TOP1: variants seen among roughly 807,000 people sequenced by gnomAD.
TOP1 encodes DNA topoisomerase I.
TOP1 carries 10 observed loss-of-function variants against 111.1 expected under a neutral mutation model. The observed-to-expected ratio is 0.09, with a 90% CI of 0.06 to 0.15. TOP1 has a LOEUF of 0.15. Among genes scored for constraint, TOP1 ranks in the 10% least tolerant of loss-of-function variants. The probability of loss-of-function intolerance (pLI) is 1.00; values close to 1 mark genes in which losing one functional copy is unlikely to be tolerated. For missense variants in TOP1, 474 were observed against 926.7 expected (o/e 0.51, Z 6.34); for synonymous variants, 271 against 302.9 (o/e 0.89, Z 1.10).
At position 41,098,898 on chromosome 20, in the gene TOP1, C is replaced by T. The variant is rs921996994; in HGVS notation, c.975+561C>T. On this transcript the variant is annotated intron_variant, in intron 11 of 20. Coordinates refer to ENST00000361337, the MANE Select transcript of TOP1 (RefSeq NM_003286.4). The surrounding 1 kb of genome is among the most constrained non-coding windows in gnomAD (Gnocchi z 5.7). ...CTACTTGTCTACATATTATCTACGG[C>T]TGTGTTTATGCAACAATGACAGAGA... is the stretch of plus-strand genomic sequence containing the variant. The T allele has an allele frequency of 2.6e-5, 4 of 151,666 alleles. No homozygotes were observed. The highest frequency in any genetic ancestry group is 9.7e-5 in the African/African-American group (4 of 41,262). The allele number at this position is 151,666 out of a possible 1,614,324, so 9.4% of individuals were successfully genotyped here.
At chr20:41,091,855 T>C (rs532766906) in intron 8 of TOP1, among the ~76,000 whole-genome samples, 2 of 152,248 alleles carry the variant, frequency 1.3e-5, no homozygotes, top group South Asian at 2.1e-4. Context: ...TATATGGTGT[T>C]TATTGTATTA....
chr20:41,081,802 C>G (rs1262988188), intron 7 of TOP1, among the ~76,000 whole-genome samples: 1 of 152,162 alleles, frequency 6.6e-6, no homozygotes, highest in African/African-American at 2.4e-5. Context: ...TGTTTCTTTT[C>G]CACACCAGAT....
rs1326722941 is a variant in TOP1 at position 41,121,940 on chromosome 20, G to A, written c.2046-66G>A. 1.3e-5 allele frequency: 21 copies of A among 1,589,770 alleles called. No individual in the cohort carries two copies. Among genetic ancestry groups the A allele is most frequent in the African/African-American group, 5.4e-5 (4 of 73,710 alleles). On this transcript the variant is annotated intron_variant, in intron 19 of 20. Transcript: ENST00000361337. This position sits in a 1 kb window ranked among gnomAD's most constrained non-coding sequence, Gnocchi z 4.2. ...GGCTTTTATTGACTCAAAGTGGCAGGATGGGTACAGTGTGCTCTTGTCTAG... is the reference window on the plus strand; with the variant it reads ...GGCTTTTATTGACTCAAAGTGGCAGAATGGGTACAGTGTGCTCTTGTCTAG...
intron 2 of TOP1, among the ~76,000 whole-genome samples, chr20:41,036,123 G>A (rs573373252): frequency 6.6e-6 from 1 of 152,270 alleles, no homozygotes; most frequent in African/African-American, 2.4e-5. Context: ...GAAAGGAAAC[G>A]TTTTTTTCTT....
chr20:41,038,992 C>CAA (rs879288677), intron 2 of TOP1, among the ~76,000 whole-genome samples: 2 of 125,818 alleles, frequency 1.6e-5, no homozygotes, highest in Non-Finnish European at 3.4e-5. Flanking sequence ...GACCCTGTCT[C>CAA]AAAAAAAAAA....
intron 3 of TOP1, among the ~76,000 whole-genome samples, chr20:41,062,980 G>A (rs151243940): frequency 1.3e-5 from 2 of 152,144 alleles, no homozygotes; most frequent in African/African-American, 4.8e-5. Context: ...GTACATATAG[G>A]CAACTTTGTT....
intron 8 of TOP1, among the ~76,000 whole-genome samples, chr20:41,089,017 G>GTTTTTTTTTT (rs1290740653): frequency 1.4e-5 from 1 of 69,272 alleles, no homozygotes; most frequent in African/African-American, 7.8e-5. Context: ...TGTTGCCCCA[G>GTTTTTTTTTT]TTCTTTTTTT....
intron 8 of TOP1, among the ~76,000 whole-genome samples, chr20:41,087,773 T>C (rs572854593): frequency 6.6e-6 from 1 of 152,378 alleles, no homozygotes; most frequent in African/African-American, 2.4e-5. Context: ...GAACTTGATA[T>C]CAAACAGCAC....
chr20:41,120,567 C>G (rs1346639930), intron 18 of TOP1, among the ~76,000 whole-genome samples: 6 of 152,212 alleles, frequency 3.9e-5, no homozygotes, highest in African/African-American at 7.2e-5. Flanking sequence ...CTGAGAAGAA[C>G]TTAGATTCAC....
Position 41,092,733 on chromosome 20 carries a change from A to G in TOP1, c.730+146A>G, listed in dbSNP as rs2076574. 0.17 allele frequency: 94,031 copies of G among 541,004 alleles called. 12,555 individuals are homozygous for G. The highest frequency in any genetic ancestry group is 0.54 in the African/African-American group (28,045 of 51,612). The allele number at this position is 541,004 out of a possible 1,614,324, so 33.5% of individuals were successfully genotyped here. ...TGCCATGCAATTTTGAGGAAGGGGC[A>G]TCAGGTGTTAACTCTTAAAGGCTCA... On this transcript the variant is annotated intron_variant, in intron 9 of 20. Transcript: ENST00000361337. The surrounding 1 kb of genome is among the most constrained non-coding windows in gnomAD (Gnocchi z 4.3).
In TOP1 at chr20:41,104,530, C is replaced by T. The variant is rs371942991; in HGVS notation, c.1308+3177C>T. ...TTGTTAGATAGACCAGGTGAAATGCCTCAAGAGCAGAGAGCCAGTCAATTT... is the reference window on the plus strand; with the variant it reads ...TTGTTAGATAGACCAGGTGAAATGCTTCAAGAGCAGAGAGCCAGTCAATTT... On this transcript the variant is annotated intron_variant, in intron 13 of 20. Transcript: ENST00000361337. Among the ~76,000 whole-genome samples, 54 of 152,312 alleles carry T rather than the reference C, an allele frequency of 3.5e-4. 1 individual carries two copies. The East Asian group carries it at 4.8e-3, about 14-fold the overall frequency.
chr20:41,045,237 A>G (rs1234132188), intron 2 of TOP1, among the ~76,000 whole-genome samples: 1 of 152,160 alleles, frequency 6.6e-6, no homozygotes, highest in Non-Finnish European at 1.5e-5. Context: ...GTAAGACCCA[A>G]GAGATTGTGG....
intron 2 of TOP1, among the ~76,000 whole-genome samples, chr20:41,042,245 A>ATTTT (rs1275483259): frequency 1.3e-5 from 2 of 152,170 alleles, no homozygotes; most frequent in African/African-American, 2.4e-5. Flanking sequence ...CCAGAACAGT[A>ATTTT]TTTTTTAATA....
intron 3 of TOP1, chr20:41,073,096 C>T (rs2033685976): frequency 1.0e-6 from 1 of 985,134 alleles, no homozygotes; most frequent in African/African-American, 1.7e-5. Context: ...TCTCATTTGC[C>T]TTGTCATTTG....
intron 3 of TOP1, among the ~76,000 whole-genome samples, chr20:41,075,493 A>G (rs2033716519): frequency 6.6e-6 from 1 of 152,220 alleles, no homozygotes; most frequent in Non-Finnish European, 1.5e-5. Flanking sequence ...CTTTATATGT[A>G]ATGTTATTTC....
At position 41,058,167 on chromosome 20, in the gene TOP1, GAC is replaced by G. The variant is rs1048648618; in HGVS notation, c.59-3223_59-3222del. Among the ~76,000 whole-genome samples the G allele has an allele frequency of 3.9e-4, 59 of 152,212 alleles. No individual in the cohort carries two copies. The highest frequency in any genetic ancestry group is 1.3e-3 in the African/African-American group (53 of 41,450). ...GCAGATTTCTATTTTCCCAGGGCCT[GAC>G]ACAGAATAGATGCTCAGCAGATTAT... On this transcript the variant is annotated intron_variant, in intron 2 of 20. Coordinates refer to ENST00000361337, the MANE Select transcript of TOP1 (RefSeq NM_003286.4). The surrounding 1 kb of genome is among the most constrained non-coding windows in gnomAD (Gnocchi z 4.2).
intron 7 of TOP1, among the ~76,000 whole-genome samples, chr20:41,084,116 A>T (rs1394258671): frequency 6.6e-6 from 1 of 152,186 alleles, no homozygotes; most frequent in Non-Finnish European, 1.5e-5. Flanking sequence ...AAAGATGAGT[A>T]GGATTAAACA....
At chr20:41,086,218 AC>A (rs1325425009) in intron 8 of TOP1, among the ~76,000 whole-genome samples, 15 of 150,958 alleles carry the variant, frequency 9.9e-5, no homozygotes, top group Non-Finnish European at 1.9e-4. Context: ...AGCTGAGATC[AC>A]GCCACCGCAC....
chr20:41,087,467 G>C (rs905953950), intron 8 of TOP1, among the ~76,000 whole-genome samples: 2 of 152,228 alleles, frequency 1.3e-5, no homozygotes, highest in African/African-American at 4.8e-5. Context: ...GGTGTTAGGT[G>C]TGACTTTAAA....
Sources: gnomAD v4.1 joint callset for allele counts (sites outside exome capture counted in the v4.1 genomes callset) on GRCh38, gnomAD v4.1.1 for gene constraint, Gnocchi (gnomAD v3.1) non-coding constraint, MANE v1.5 for transcripts, NCBI Gene and HGNC (gene_info 2026-07-23, HGNC 2026-07-21) for gene names.